Variants in CACNA2D3 observed in about 807,000 individuals in gnomAD.
The protein encoded by CACNA2D3 is voltage-dependent calcium channel subunit alpha-2/delta-3.
A neutral mutation model predicts 160.6 loss-of-function variants in CACNA2D3; 60 were observed. The observed-to-expected ratio is 0.37, with a 90% confidence interval of 0.30 to 0.46. The LOEUF (loss-of-function observed/expected upper bound fraction) is 0.46. CACNA2D3 is among the 20% of genes least tolerant of loss of function. CACNA2D3 has a pLI of 1.00. For missense variants in CACNA2D3, 1,205 were observed against 1,365.0 expected (o/e 0.88, Z 1.85); for synonymous variants, 558 against 492.9 (o/e 1.13, Z -1.75).
At chr3:54,191,710 A>G (rs1700987259) in intron 2 of CACNA2D3, among the ~76,000 whole-genome samples, 1 of 152,094 alleles carries the variant, frequency 6.6e-6, no homozygotes, top group African/African-American at 2.4e-5. Context: ...TTTGGGTGTC[A>G]GGGCCATGCA....
intron 35 of CACNA2D3, among the ~76,000 whole-genome samples, chr3:55,065,390 C>T (rs1480691509): frequency 6.6e-6 from 1 of 152,214 alleles, no homozygotes; most frequent in Non-Finnish European, 1.5e-5. Context: ...CCCCCTACTC[C>T]CACTCCAAGC....
chr3:55,049,785 T>C (rs1044587533), intron 35 of CACNA2D3, among the ~76,000 whole-genome samples: 8 of 150,048 alleles, frequency 5.3e-5, no homozygotes, highest in Non-Finnish European at 1.0e-4. Context: ...ATCTGGGTGC[T>C]CCTGTATTGG....
chr3:54,174,405 CT>C (rs1700625923), intron 2 of CACNA2D3, among the ~76,000 whole-genome samples: 1 of 152,348 alleles, frequency 6.6e-6, no homozygotes, highest in African/African-American at 2.4e-5. Context: ...GCAAACCATT[CT>C]GATAACCACA....
At chr3:54,591,707 A>T (rs1048279928) in intron 9 of CACNA2D3, among the ~76,000 whole-genome samples, 4 of 151,646 alleles carry the variant, frequency 2.6e-5, no homozygotes, top group Non-Finnish European at 5.9e-5. Flanking sequence ...CAGGGTTGGC[A>T]GTTCTCACTG....
chr3:54,403,433 A>G (rs1699511063), intron 4 of CACNA2D3, among the ~76,000 whole-genome samples: 1 of 152,054 alleles, frequency 6.6e-6, no homozygotes, highest in African/African-American at 2.4e-5. Flanking sequence ...GACAAAAGGT[A>G]GTGAAGACAT....
At chr3:54,615,326 T>C (rs1698827169) in intron 9 of CACNA2D3, among the ~76,000 whole-genome samples, 1 of 152,052 alleles carries the variant, frequency 6.6e-6, no homozygotes, top group Non-Finnish European at 1.5e-5. Context: ...AATAAATAAA[T>C]AAATATGTAG....
intron 8 of CACNA2D3, among the ~76,000 whole-genome samples, chr3:54,574,140 T>C (rs552853656): frequency 5.6e-4 from 85 of 152,126 alleles, no homozygotes; most frequent in Non-Finnish European, 1.1e-3. Context: ...CAGCCTTCCT[T>C]TGCTTGCCGG....
intron 29 of CACNA2D3, among the ~76,000 whole-genome samples, chr3:54,972,821 C>T (rs1575416016): frequency 6.6e-6 from 1 of 152,312 alleles, no homozygotes; most frequent in Admixed American, 6.5e-5. Context: ...AGCTCCATTT[C>T]ACCCAGGGTG....
intron 9 of CACNA2D3, among the ~76,000 whole-genome samples, chr3:54,620,906 C>T (rs1575386806): frequency 6.6e-6 from 1 of 152,358 alleles, no homozygotes; most frequent in African/African-American, 2.4e-5. Flanking sequence ...ACAAAAAGCA[C>T]GTGATGCCTA....
chr3:54,688,979 CAAAAAA>C (rs1162900126), intron 11 of CACNA2D3, among the ~76,000 whole-genome samples: 46 of 31,426 alleles, frequency 1.5e-3, no homozygotes, highest in African/African-American at 2.2e-3. Flanking sequence ...GAGACTGTCT[CAAAAAA>C]AAAAAAAAAA....
At chr3:54,199,916 C>T (rs776016961) in intron 2 of CACNA2D3, among the ~76,000 whole-genome samples, 7 of 152,218 alleles carry the variant, frequency 4.6e-5, no homozygotes, top group Non-Finnish European at 1.0e-4. Flanking sequence ...ATCCAGCCCA[C>T]TGCCTCTGTT....
At chr3:54,949,552 G>A (rs1701702747) in intron 27 of CACNA2D3, among the ~76,000 whole-genome samples, 1 of 152,196 alleles carries the variant, frequency 6.6e-6, no homozygotes, top group Admixed American at 6.5e-5. Flanking sequence ...CAGAACTTGT[G>A]TAAATCTACC....
intron 2 of CACNA2D3, among the ~76,000 whole-genome samples, chr3:54,147,806 C>CTGTT (rs531767582): frequency 1.3e-5 from 2 of 152,130 alleles, no homozygotes; most frequent in East Asian, 1.9e-4. Context: ...GAAGATTTTT[C>CTGTT]TGTTTGTTTG....
chr3:54,612,757 C>G (rs1294451526), intron 9 of CACNA2D3, among the ~76,000 whole-genome samples: 2 of 152,140 alleles, frequency 1.3e-5, no homozygotes, highest in African/African-American at 2.4e-5. Context: ...GGGATAAGAC[C>G]AGCGGATGAA....
At chr3:54,622,314 C>T (rs989050382) in intron 9 of CACNA2D3, among the ~76,000 whole-genome samples, 9 of 152,172 alleles carry the variant, frequency 5.9e-5, no homozygotes, top group Admixed American at 2.6e-4. Context: ...CTCGCTCTTT[C>T]GCCCAGGCTG....
At chr3:54,538,467 A>G (rs1701922281) in intron 5 of CACNA2D3, among the ~76,000 whole-genome samples, 1 of 152,178 alleles carries the variant, frequency 6.6e-6, no homozygotes, top group Non-Finnish European at 1.5e-5. Context: ...CCTCATGGCT[A>G]AGAGAAGACA....
intron 3 of CACNA2D3, among the ~76,000 whole-genome samples, chr3:54,350,173 G>A (rs1698527503): frequency 6.6e-6 from 1 of 152,268 alleles, no homozygotes. Context: ...TGAATGGAGA[G>A]TGTCTCCTCC....
chr3:54,171,814 C>A (rs1209945850), intron 2 of CACNA2D3, among the ~76,000 whole-genome samples: 1 of 152,106 alleles, frequency 6.6e-6, no homozygotes, highest in Admixed American at 6.5e-5. Context: ...CTTCTTGGTC[C>A]CTGTCTCTTC....
chr3:54,901,814 C>T (rs1360472921), intron 27 of CACNA2D3, among the ~76,000 whole-genome samples: 1 of 152,070 alleles, frequency 6.6e-6, no homozygotes, highest in African/African-American at 2.4e-5. Context: ...GGATGCAGCC[C>T]CACGAAGGCA....
Sources: allele counts gnomAD v4.1 joint callset (sites outside exome capture counted in the v4.1 genomes callset), GRCh38; gene constraint gnomAD v4.1.1; transcripts MANE v1.5; gene names NCBI Gene and HGNC (gene_info 2026-07-23, HGNC 2026-07-21).